Variants in ANKRD36C observed in about 807,000 individuals in gnomAD.
ANKRD36C encodes the protein ankyrin repeat domain-containing protein 36C.
A neutral mutation model predicts 276.4 loss-of-function variants in ANKRD36C; 61 were observed. The ratio of observed to expected loss-of-function variants is 0.22; its 90% confidence interval spans 0.18 to 0.27. The LOEUF is 0.27. ANKRD36C is among the 10% of genes least tolerant of loss of function. ANKRD36C has a pLI of 1.00. For missense variants in ANKRD36C, 1,447 were observed against 2,032.3 expected, an observed-to-expected ratio of 0.71 and a Z score of 5.54; for synonymous variants, 483 against 680.1, an observed-to-expected ratio of 0.71 and a Z score of 4.51.
intron 28 of ANKRD36C, among the ~76,000 whole-genome samples, chr2:95,925,861 G>A (rs1213887642): frequency 6.6e-6 from 1 of 151,564 alleles, no homozygotes; most frequent in Non-Finnish European, 1.5e-5. Flanking sequence ...AAAATCAGAG[G>A]AGCAACTCAT....
intron 14 of ANKRD36C, among the ~76,000 whole-genome samples, chr2:95,952,686 A>G: frequency 6.6e-6 from 1 of 152,306 alleles, no homozygotes; most frequent in Admixed American, 6.5e-5. Flanking sequence ...ACCTCAACTT[A>G]TACATTCTCA....
Position 95,892,024 on chromosome 2 carries a change from T to G in ANKRD36C, c.2756-164A>C, listed in dbSNP as rs567513044. Among the ~76,000 whole-genome samples, 179 of 151,640 alleles carry G rather than the reference T, an allele frequency of 1.2e-3. 1 individual carries two copies. The highest frequency in any genetic ancestry group is 2.9e-3 in the South Asian group (14 of 4,818). On this transcript the variant is annotated intron_variant, in intron 44 of 66. Coordinates refer to ENST00000456556, the Ensembl canonical transcript of ANKRD36C. Reference sequence around the variant, plus strand: ...GGACTAGAACATGACAGAAATACGCTGAGAAAAGGGAATACAGGCTCCATG... The same window carrying G: ...GGACTAGAACATGACAGAAATACGCGGAGAAAAGGGAATACAGGCTCCATG...
At chr2:95,988,979 C>T (rs995542174) in intron 1 of ANKRD36C, among the ~76,000 whole-genome samples, 1 of 152,066 alleles carries the variant, frequency 6.6e-6, no homozygotes, top group South Asian at 2.1e-4. Context: ...ACCAGCCTGG[C>T]CAACATGGTG....
chr2:95,921,280 C>T (rs908788164), intron 34 of ANKRD36C, among the ~76,000 whole-genome samples: 2 of 150,646 alleles, frequency 1.3e-5, no homozygotes, highest in African/African-American at 2.5e-5. Flanking sequence ...TCTCTTTCTC[C>T]TTCCACCCTT....
At chr2:95,868,128 T>A (rs1459198631) in intron 59 of ANKRD36C, among the ~76,000 whole-genome samples, 1 of 151,882 alleles carries the variant, frequency 6.6e-6, no homozygotes, top group African/African-American at 2.4e-5. Flanking sequence ...CTAGACATAC[T>A]GCTGATGTTC....
intron 1 of ANKRD36C, among the ~76,000 whole-genome samples, chr2:95,987,747 G>A (rs1258909290): frequency 6.6e-6 from 1 of 150,514 alleles, no homozygotes; most frequent in Admixed American, 6.7e-5. Flanking sequence ...TCAGCCTCCC[G>A]AGTAGCTGGG....
chr2:95,856,978 A>G (rs1489148854), intron 62 of ANKRD36C, among the ~76,000 whole-genome samples: 3 of 152,194 alleles, frequency 2.0e-5, no homozygotes, highest in Admixed American at 6.5e-5. Flanking sequence ...TGCTATTGTG[A>G]TAACTTTTAT....
chr2:95,925,086 G>A (rs1677367360), intron 30 of ANKRD36C, among the ~76,000 whole-genome samples: 1 of 151,450 alleles, frequency 6.6e-6, no homozygotes, highest in African/African-American at 2.4e-5. Flanking sequence ...AAATTATGCT[G>A]TCCTCCGATC....
intron 58 of ANKRD36C, among the ~76,000 whole-genome samples, chr2:95,878,554 C>A (rs1676006069): frequency 1.3e-5 from 2 of 152,116 alleles, no homozygotes; most frequent in Admixed American, 6.5e-5. Context: ...AAGAGGAAAG[C>A]CTCTTAATTT....
intron 6 of ANKRD36C, among the ~76,000 whole-genome samples, chr2:95,964,013 ATG>A (rs373586908): frequency 0.015 from 298 of 20,062 alleles, no homozygotes; most frequent in African/African-American, 0.022. Context: ...ATATATATAT[ATG>A]TGTGTGTGTG....
At chr2:95,980,089 A>G (rs1346018865) in intron 5 of ANKRD36C, among the ~76,000 whole-genome samples, 2 of 152,112 alleles carry the variant, frequency 1.3e-5, no homozygotes, top group African/African-American at 4.8e-5. Context: ...ACCAGACTGC[A>G]AGAGTACTTT....
At chr2:95,987,909 T>G (rs577424357) in intron 1 of ANKRD36C, among the ~76,000 whole-genome samples, 1 of 152,210 alleles carries the variant, frequency 6.6e-6, no homozygotes, top group Non-Finnish European at 1.5e-5. Context: ...TTCTCACTAT[T>G]CTCTTATATA....
At chr2:95,960,392 C>A (rs1379288096) in intron 10 of ANKRD36C, 81 bp downstream of exon 10, 26 of 1,491,552 alleles carry the variant, frequency 1.7e-5, no homozygotes, top group East Asian at 2.5e-5. Context: ...CTTCAATGAG[C>A]CCCCTGCTGA....
At chr2:95,960,319 CA>C (rs1359420770) in intron 10 of ANKRD36C, among the ~76,000 whole-genome samples, 153 bp downstream of exon 10, 2 of 151,904 alleles carry the variant, frequency 1.3e-5, no homozygotes, top group African/African-American at 4.8e-5. Context: ...TCAGCAGAAT[CA>C]CCATCACTCA....
chr2:95,891,791 A>G (rs1360325181), intron 45 of ANKRD36C, 41 bp downstream of exon 65: 1 of 1,559,556 alleles, frequency 6.4e-7, no homozygotes, highest in Non-Finnish European at 8.7e-7. Context: ...TTCATAGACT[A>G]TACATTTACT....
intron 19 of ANKRD36C, among the ~76,000 whole-genome samples, chr2:95,943,398 T>G (rs1477546584): frequency 4.0e-5 from 6 of 150,572 alleles, no homozygotes; most frequent in Non-Finnish European, 8.9e-5. Context: ...GGCAGGAGAA[T>G]GGCGTGAACC....
At chr2:95,863,800 G>A (rs570837307) in intron 60 of ANKRD36C, among the ~76,000 whole-genome samples, 112 of 152,266 alleles carry the variant, frequency 7.4e-4, no homozygotes, top group East Asian at 3.3e-3. Flanking sequence ...TATGGATAAA[G>A]TAAAAGGGTG....
intron 50 of ANKRD36C, among the ~76,000 whole-genome samples, chr2:95,886,452 T>A (rs1196030023): frequency 6.6e-6 from 1 of 151,444 alleles, no homozygotes; most frequent in Non-Finnish European, 1.5e-5. Context: ...ACACTAAGCA[T>A]TTCAAATGTA....
intron 52 of ANKRD36C, 132 bp from the exon 73 acceptor site, chr2:95,884,500 T>C (rs1461132006): frequency 6.7e-5 from 99 of 1,467,006 alleles, no homozygotes; most frequent in Non-Finnish European, 8.6e-5. Context: ...TCCTACTTTG[T>C]GTCTGGGGAT....
Sources: allele counts gnomAD v4.1 joint callset (sites outside exome capture counted in the v4.1 genomes callset), GRCh38; gene constraint gnomAD v4.1.1; transcripts MANE v1.5; gene names NCBI Gene and HGNC (gene_info 2026-07-23, HGNC 2026-07-21).